NSL1: variants seen among roughly 807,000 people sequenced by gnomAD.
NSL1 encodes the protein kinetochore-associated protein NSL1 homolog.
A neutral mutation model predicts 25.4 loss-of-function variants in NSL1; 11 were observed. The ratio of observed to expected loss-of-function variants is 0.43; its 90% CI spans 0.27 to 0.72. The LOEUF is 0.72. Among genes scored for constraint, NSL1 ranks in the 30% least tolerant of loss-of-function variants. The probability of loss-of-function intolerance (pLI) is 0.19; values close to 1 mark genes in which losing one functional copy is unlikely to be tolerated. For synonymous variants in NSL1, 118 were observed against 120.6 expected, an observed-to-expected ratio of 0.98 and a Z score of 0.14; for missense variants, 330 against 342.7, an observed-to-expected ratio of 0.96 and a Z score of 0.29.
intron 4 of NSL1, chr1:212,764,091 C>A: frequency 2.8e-6 from 1 of 357,230 alleles, no homozygotes; most frequent in Non-Finnish European, 5.5e-6. Context: ...TCTCAGACCA[C>A]AGTGGAATAA....
chr1:212,742,407 A>G (rs1571866903), intron 4 of NSL1, among the ~76,000 whole-genome samples: 1 of 152,232 alleles, frequency 6.6e-6, no homozygotes, highest in East Asian at 1.9e-4. Flanking sequence ...AAACTGAAAT[A>G]GAGATAACAT....
In NSL1 at chr1:212,729,164, C is replaced by G. The variant is rs1364399413; in HGVS notation, c.*9244G>C. The G allele has an allele frequency of 2.0e-6, 2 of 985,322 alleles. No homozygotes were observed. The highest frequency in any genetic ancestry group is 6.1e-5 in the Admixed American group (1 of 16,264). The allele number at this position is 985,322 out of a possible 1,614,324, so 61.0% of individuals were successfully genotyped here. ...TAAAACCAGACAAAATCATTTCTTG[C>G]AAGCAGGTAATTCCACAGAAGTTTC... is the stretch of plus-strand genomic sequence containing the variant. On this transcript the variant is annotated 3_prime_UTR_variant, in exon 6 of 6. Transcript: ENST00000366977.
chr1:212,763,968 A>C (rs1268049705), intron 4 of NSL1: 1 of 404,640 alleles, frequency 2.5e-6, no homozygotes, highest in African/African-American at 2.1e-5. Context: ...CAACAACTGC[A>C]GAATATACAT....
chr1:212,732,673 G>A lies in NSL1; in HGVS notation c.*5735C>T. 1 of 985,292 alleles carries A rather than the reference G, an allele frequency of 1.0e-6. No homozygotes were observed. Among genetic ancestry groups the A allele is most frequent in the Non-Finnish European group, 1.2e-6 (1 of 829,842 alleles). The allele number at this position is 985,292 out of a possible 1,614,324, so 61.0% of individuals were successfully genotyped here. ...AGTAGCCTGTAGACTCGAGTGTGCT[G>A]TGTTTTGGGAGCCTTAGTTTCCCAG... On this transcript the variant is annotated 3_prime_UTR_variant, in exon 6 of 6. Coordinates refer to ENST00000366977, the MANE Select transcript of NSL1 (RefSeq NM_015471.4).
At chr1:212,787,991 T>A (rs183019113) in intron 1 of NSL1, among the ~76,000 whole-genome samples, 209 of 152,370 alleles carry the variant, frequency 1.4e-3, no homozygotes, top group African/African-American at 3.9e-3. Flanking sequence ...GCTGAATGAC[T>A]GTTGATGTTA....
intron 4 of NSL1, among the ~76,000 whole-genome samples, chr1:212,744,671 A>G (rs1203148480): frequency 3.3e-5 from 5 of 152,230 alleles, no homozygotes; most frequent in Non-Finnish European, 5.9e-5. Flanking sequence ...CAGAAATTAT[A>G]AAAAGGAACA....
intron 1 of NSL1, among the ~76,000 whole-genome samples, chr1:212,790,143 A>G (rs550161367): frequency 1.3e-5 from 2 of 152,156 alleles, no homozygotes; most frequent in South Asian, 4.1e-4. Flanking sequence ...CCTCCCGAGT[A>G]GCTGGGACTA....
rs936384311 is a variant in NSL1, at chr1:212,726,556, CT to C, written c.*11851del. ...CCTCTGGTCTCCACAGCAAATGCCC[CT>C]GTCCACCTTGTCTCTGGGCACATCT... On this transcript the variant is annotated 3_prime_UTR_variant, in exon 6 of 6. Transcript: ENST00000366977. 5.2e-5 allele frequency: 8 copies of C among 152,686 alleles called. No individual in the cohort carries two copies. The highest frequency in any genetic ancestry group is 1.7e-4 in the African/African-American group (7 of 41,458). The allele number at this position is 152,686 out of a possible 1,614,324, so 9.5% of individuals were successfully genotyped here.
At chr1:212,755,328 T>G (rs1250600342) in intron 4 of NSL1, among the ~76,000 whole-genome samples, 2 of 152,126 alleles carry the variant, frequency 1.3e-5, no homozygotes, top group East Asian at 3.9e-4. Context: ...TTAAAGATTT[T>G]CTAGAATATA....
rs140226587 is a variant in NSL1, at chr1:212,767,735, A to G, written c.499+14637T>C. Among the ~76,000 whole-genome samples, 145 of 152,324 alleles carry G rather than the reference A, an allele frequency of 9.5e-4. 1 individual carries two copies. In the East Asian group the frequency reaches 0.02, roughly 20 times the overall value. On this transcript the variant is annotated intron_variant, in intron 4 of 5. Coordinates refer to ENST00000366977, the MANE Select transcript of NSL1 (RefSeq NM_015471.4). ...AAACAAATCAGCAAGAAAAAAACAA[A>G]TAGTCCCATCAAAAAGTGGGCAAAG...
rs1571864101 is a variant in NSL1, at chr1:212,739,660, G to C, written c.500-59C>G. On this transcript the variant is annotated intron_variant, in intron 4 of 5. Coordinates refer to ENST00000366977, the MANE Select transcript of NSL1 (RefSeq NM_015471.4). ...TTTATCTAATAGCAAATCATAAAAGGCATATAGATACTATCTGAAAGGCAT... is the reference window on the plus strand; with the variant it reads ...TTTATCTAATAGCAAATCATAAAAGCCATATAGATACTATCTGAAAGGCAT... 10 of 1,525,950 alleles carry C rather than the reference G, an allele frequency of 6.6e-6. No individual in the cohort carries two copies. In the East Asian group the frequency reaches 2.3e-4, roughly 35 times the overall value. 94.5% of individuals were successfully genotyped at this position (1,525,950 alleles called of 1,614,324 possible).
Position 212,735,267 on chromosome 1 carries a change from C to G in NSL1, c.*3141G>C. ...GAACTGAAATCTGAACTCAGATGAT[C>G]TGGCTTAGAGGCTGTGCTCTTAAGA... On this transcript the variant is annotated 3_prime_UTR_variant, in exon 6 of 6. Transcript: ENST00000366977. 12 of 970,280 alleles carry G rather than the reference C, an allele frequency of 1.2e-5. No individual in the cohort carries two copies. The highest frequency in any genetic ancestry group is 1.5e-5 in the Non-Finnish European group (12 of 816,272). The allele number at this position is 970,280 out of a possible 1,614,324, so 60.1% of individuals were successfully genotyped here. A position where few individuals can be genotyped will look rare whatever the true frequency, so the allele number is the denominator to read the frequency against.
At chr1:212,786,170 T>C (rs973993628) in intron 2 of NSL1, among the ~76,000 whole-genome samples, 9 of 151,970 alleles carry the variant, frequency 5.9e-5, no homozygotes, top group African/African-American at 2.2e-4. Context: ...TTTCAATAGC[T>C]TTTGGGGTAC....
intron 4 of NSL1, among the ~76,000 whole-genome samples, chr1:212,770,196 A>T (rs1342759305): frequency 1.3e-5 from 2 of 152,172 alleles, no homozygotes; most frequent in Non-Finnish European, 2.9e-5. Flanking sequence ...ATTAAAGCAA[A>T]TATTATCAAT....
rs993351405 is a variant in NSL1, at chr1:212,734,386, T to C, written c.*4022A>G. ...GCTCCTCAAATATTTGGTGAATCAG[T>C]TTTGTGCATTTTTAAAATATAAAAC... is the stretch of plus-strand genomic sequence containing the variant. On this transcript the variant is annotated 3_prime_UTR_variant, in exon 6 of 6. Transcript: ENST00000366977. Among the ~76,000 whole-genome samples the C allele has an allele frequency of 6.6e-6, 1 of 152,208 alleles. No individual in the cohort carries two copies. The highest frequency in any genetic ancestry group is 1.5e-5 in the Non-Finnish European group (1 of 68,038).
intron 4 of NSL1, among the ~76,000 whole-genome samples, chr1:212,745,192 A>AC (rs1372706586): frequency 1.6e-4 from 11 of 66,952 alleles, no homozygotes; most frequent in East Asian, 1.1e-3. Context: ...ATATATATAT[A>AC]TATATATATA....
At chr1:212,768,466 C>T (rs1659941541) in intron 4 of NSL1, among the ~76,000 whole-genome samples, 1 of 151,668 alleles carries the variant, frequency 6.6e-6, no homozygotes, top group Non-Finnish European at 1.5e-5. Context: ...CAATTAGCAA[C>T]TGCAAAAATA....
chr1:212,786,961 G>C (rs1329942602), intron 2 of NSL1, among the ~76,000 whole-genome samples: 1 of 151,638 alleles, frequency 6.6e-6, no homozygotes, highest in Non-Finnish European at 1.5e-5. Flanking sequence ...CTAGGAGTTT[G>C]AGACCAGCCT....
intron 4 of NSL1, among the ~76,000 whole-genome samples, chr1:212,768,971 A>C (rs1659968607): frequency 6.6e-6 from 1 of 152,126 alleles, no homozygotes; most frequent in South Asian, 2.1e-4. Context: ...TGAGCCTCCC[A>C]GGAGGTGGAG....
Sources: allele counts gnomAD v4.1 joint callset (sites outside exome capture counted in the v4.1 genomes callset), GRCh38; gene constraint gnomAD v4.1.1; transcripts MANE v1.5; gene names NCBI Gene and HGNC (gene_info 2026-07-23, HGNC 2026-07-21).